Variants in DOK6 observed in about 807,000 individuals in gnomAD.
DOK6 encodes docking protein 6, also known as downstream of tyrosine kinase 6.
Under a neutral mutation model 44.0 loss-of-function variants are expected in DOK6, and 22 were observed. The observed-to-expected ratio is 0.50, with a 90% CI of 0.36 to 0.71. The LOEUF (loss-of-function observed/expected upper bound fraction) is 0.71. Ranked by LOEUF, DOK6 falls within the 30% of genes least tolerant of loss-of-function variation. The pLI, the probability that DOK6 is intolerant of heterozygous loss-of-function variation, is 0.00. For synonymous variants in DOK6, 166 were observed against 145.5 expected, an observed-to-expected ratio of 1.14 and a Z score of -1.01; for missense variants, 340 against 416.4, an observed-to-expected ratio of 0.82 and a Z score of 1.60.
At chr18:69,476,396 G>A (rs914326968) in intron 1 of DOK6, among the ~76,000 whole-genome samples, 1 of 151,604 alleles carries the variant, frequency 6.6e-6, no homozygotes, top group Non-Finnish European at 1.5e-5. Flanking sequence ...TGAAAACTCA[G>A]GAATTTTGTT....
intron 3 of DOK6, among the ~76,000 whole-genome samples, chr18:69,676,324 A>G (rs1228455493): frequency 6.6e-6 from 1 of 152,258 alleles, no homozygotes; most frequent in African/African-American, 2.4e-5. Flanking sequence ...AAAATAAATG[A>G]TAAATTTGTC....
At chr18:69,801,788 C>T (rs1980912470) in intron 7 of DOK6, among the ~76,000 whole-genome samples, 1 of 152,154 alleles carries the variant, frequency 6.6e-6, no homozygotes, top group African/African-American at 2.4e-5. Flanking sequence ...TGTGCTTTTC[C>T]CTTGCCTGGG....
intron 5 of DOK6, among the ~76,000 whole-genome samples, chr18:69,714,654 A>T (rs1599280861): frequency 6.6e-6 from 1 of 152,360 alleles, no homozygotes; most frequent in Admixed American, 6.5e-5. Flanking sequence ...GAAGAAAAAA[A>T]CTAATAAACG....
At chr18:69,772,537 T>C (rs1037297551) in intron 7 of DOK6, among the ~76,000 whole-genome samples, 1 of 151,978 alleles carries the variant, frequency 6.6e-6, no homozygotes, top group Non-Finnish European at 1.5e-5. Flanking sequence ...TAATGGAACA[T>C]AATAGCCCAG....
intron 1 of DOK6, among the ~76,000 whole-genome samples, chr18:69,526,259 C>T (rs1485737582): frequency 6.6e-6 from 1 of 152,058 alleles, no homozygotes; most frequent in Non-Finnish European, 1.5e-5. Context: ...TCCCCTAACC[C>T]TAGGCAACCA....
chr18:69,611,423 A>G (rs12326863), intron 3 of DOK6, among the ~76,000 whole-genome samples: 62,038 of 151,672 alleles, frequency 0.41, 13,908 homozygotes, highest in Non-Finnish European at 0.5. Context: ...ATTAAACATG[A>G]AATTACCATA....
intron 7 of DOK6, among the ~76,000 whole-genome samples, chr18:69,822,482 C>T (rs1449771978): frequency 1.3e-5 from 2 of 152,178 alleles, no homozygotes; most frequent in Admixed American, 6.5e-5. Context: ...GGCACCTGCA[C>T]ATGAAGTAGC....
At chr18:69,664,199 T>C (rs1246259619) in intron 3 of DOK6, among the ~76,000 whole-genome samples, 2 of 152,228 alleles carry the variant, frequency 1.3e-5, no homozygotes, top group African/African-American at 2.4e-5. Context: ...TTCATACTTC[T>C]GTATGTTGTT....
intron 2 of DOK6, among the ~76,000 whole-genome samples, chr18:69,589,073 T>C (rs1378840615): frequency 6.6e-6 from 1 of 152,058 alleles, no homozygotes; most frequent in Non-Finnish European, 1.5e-5. Context: ...AAAATTGATA[T>C]AAATTTAGTT....
chr18:69,807,075 A>C (rs761594055), intron 7 of DOK6, among the ~76,000 whole-genome samples: 13 of 152,086 alleles, frequency 8.5e-5, no homozygotes, highest in Middle Eastern at 6.8e-3. Context: ...ATAGAAACTT[A>C]GAGATGTTCT....
intron 7 of DOK6, among the ~76,000 whole-genome samples, chr18:69,837,640 A>G (rs1982092056): frequency 6.6e-6 from 1 of 151,810 alleles, no homozygotes; most frequent in Non-Finnish European, 1.5e-5. Flanking sequence ...TTTATTGCCT[A>G]TCTGTCATAC....
chr18:69,575,232 CAG>C (rs1420308542), intron 2 of DOK6, among the ~76,000 whole-genome samples: 8 of 152,150 alleles, frequency 5.3e-5, no homozygotes, highest in African/African-American at 1.9e-4. Flanking sequence ...CTCACAGAAA[CAG>C]TTACCATATG....
intron 7 of DOK6, among the ~76,000 whole-genome samples, chr18:69,791,874 C>A (rs528112187): frequency 2.0e-5 from 3 of 152,044 alleles, no homozygotes; most frequent in Non-Finnish European, 4.4e-5. Flanking sequence ...TTAATAGTTG[C>A]ATAGTTTCAG....
At chr18:69,817,803 AG>A (rs1981444117) in intron 7 of DOK6, among the ~76,000 whole-genome samples, 1 of 152,186 alleles carries the variant, frequency 6.6e-6, no homozygotes, top group Non-Finnish European at 1.5e-5. Flanking sequence ...CCAAGATGCC[AG>A]TAGTCACACG....
At chr18:69,778,103 T>G (rs1455198134) in intron 7 of DOK6, among the ~76,000 whole-genome samples, 2 of 151,980 alleles carry the variant, frequency 1.3e-5, no homozygotes, top group Admixed American at 1.3e-4. Flanking sequence ...CTTCAGAAAA[T>G]AATAGGCATT....
At chr18:69,790,056 G>C (rs993859347) in intron 7 of DOK6, among the ~76,000 whole-genome samples, 1 of 152,168 alleles carries the variant, frequency 6.6e-6, no homozygotes, top group African/African-American at 2.4e-5. Flanking sequence ...AGTTGAACAA[G>C]AGGTACAGAC....
chr18:69,700,216 C>CATACATATATATATATATATATAT (rs1555724860), intron 5 of DOK6, among the ~76,000 whole-genome samples: 1 of 124,762 alleles, frequency 8.0e-6, no homozygotes, highest in Non-Finnish European at 1.7e-5. Flanking sequence ...CATATATATA[C>CATACATATATATATATATATATAT]ATATATATAT....
chr18:69,724,217 A>G (rs868237559), intron 5 of DOK6, among the ~76,000 whole-genome samples: 1 of 152,326 alleles, frequency 6.6e-6, no homozygotes, highest in Middle Eastern at 3.4e-3. Context: ...TTATAGCTCA[A>G]GTACTTAAAA....
At chr18:69,555,044 A>T (rs1288740986) in intron 1 of DOK6, among the ~76,000 whole-genome samples, 1 of 152,140 alleles carries the variant, frequency 6.6e-6, no homozygotes, top group African/African-American at 2.4e-5. Context: ...CGTGTGTGGC[A>T]AGTATCTTCT....
Sources: allele counts gnomAD v4.1 joint callset (sites outside exome capture counted in the v4.1 genomes callset), GRCh38; gene constraint gnomAD v4.1.1; transcripts MANE v1.5; gene names NCBI Gene and HGNC (gene_info 2026-07-23, HGNC 2026-07-21).